The following MTO1 variants were observed in gnomAD, a reference collection of about 807,000 sequenced individuals.
MTO1 encodes 5-taurinomethyluridine-[tRNA] synthase subunit MTO1, mitochondrial.
A neutral mutation model predicts 71.6 loss-of-function variants in MTO1; 46 were observed. The observed-to-expected ratio is 0.64, with a 90% CI of 0.51 to 0.82. MTO1 has a LOEUF of 0.82. Among genes scored for constraint, MTO1 ranks in the 40% least tolerant of loss-of-function variants. The pLI, the probability that MTO1 is intolerant of heterozygous loss-of-function variation, is 0.00. For synonymous variants in MTO1, 297 were observed against 312.1 expected (o/e 0.95, Z 0.51); for missense variants, 773 against 867.5 (o/e 0.89, Z 1.37).
chr6:73,462,951 T>C (rs1770871697), intron 1 of MTO1, among the ~76,000 whole-genome samples: 1 of 151,870 alleles, frequency 6.6e-6, no homozygotes, highest in Non-Finnish European at 1.5e-5. Context: ...AGGTGCTCAG[T>C]ACTCTGCCCA....
chr6:73,500,700 T>A lies in MTO1; in HGVS notation c.2044T>A (p.Cys682Ser). Residue 682 changes from cysteine to serine, a missense_variant, in exon 12 of 12, where the codon TGT becomes AGT. Physicochemically the swap from Cys to Ser is moderately radical, Grantham distance 112. Transcript: ENST00000498286. The part of the protein sequence containing the change: ...NESSKTDQYL[C>S]DADRLQEREL ...ATCATCCAAGACTGATCAATACTTA[T>A]GTGATGCAGACAGACTTCAAGAGAG... 2 of 1,607,644 alleles carry A rather than the reference T, an allele frequency of 1.2e-6. No homozygotes were observed. Among genetic ancestry groups the A allele is most frequent in the Non-Finnish European group, 1.7e-6 (2 of 1,177,196 alleles).
intron 1 of MTO1, chr6:73,462,339 A>G: frequency 1.9e-6 from 1 of 529,158 alleles, no homozygotes. Context: ...GCCTTGGGAA[A>G]GGGAGCTACC....
intron 3 of MTO1, among the ~76,000 whole-genome samples, chr6:73,467,644 T>TAAATAAATAAATAAATAA (rs1373451890): frequency 3.8e-3 from 200 of 52,246 alleles, no homozygotes; most frequent in Non-Finnish European, 7.0e-3. Context: ...TAAATAAATA[T>TAAATAAATAAATAAATAA]AAAAGAAATT....
chr6:73,508,178 CAG>C lies in MTO1; in HGVS notation c.*7446_*7447del, dbSNP rs1001445129. The C allele has an allele frequency of 3.3e-5, 5 of 152,084 alleles. No homozygotes were observed. Among genetic ancestry groups the C allele is most frequent in the Non-Finnish European group, 7.3e-5 (5 of 68,030 alleles). The allele number at this position is 152,084 out of a possible 1,614,324, so 9.4% of individuals were successfully genotyped here. A position where few individuals can be genotyped will look rare whatever the true frequency, so the allele number is the denominator to read the frequency against. On this transcript the variant is annotated 3_prime_UTR_variant, in exon 12 of 12. Coordinates refer to ENST00000498286, the MANE Select transcript of MTO1 (RefSeq NM_012123.4). ...AGAATTTGGAGGCTGTAGGGGAATT[CAG>C]AGTGTGAATTTCACTTGAACAGCAC... is the stretch of plus-strand genomic sequence containing the variant.
chr6:73,487,432 C>T (rs779422557), intron 9 of MTO1, among the ~76,000 whole-genome samples: 20 of 151,632 alleles, frequency 1.3e-4, no homozygotes, highest in African/African-American at 9.7e-5. Flanking sequence ...CCACCTGCCT[C>T]GGCCTCCCAA....
In MTO1 at chr6:73,500,626, T is replaced by C. The variant is rs774372880; in HGVS notation, c.1970T>C (p.Leu657Pro). The C allele has an allele frequency of 1.9e-6, 3 of 1,614,058 alleles. No homozygotes were observed. Among genetic ancestry groups the C allele is most frequent in the East Asian group, 4.5e-5 (2 of 44,868 alleles). The change falls in exon 12 of 12, where the codon CTG becomes CCG. Residue 657 changes from leucine to proline, a missense_variant. Transcript: ENST00000498286. ...PGVTPAAIIN[L>P]LRFVKTTQRR... ...GTAACACCTGCCGCCATCATCAATC[T>C]GCTGAGATTTGTGAAGACCACTCAA...
intron 3 of MTO1, among the ~76,000 whole-genome samples, chr6:73,470,336 A>G (rs1032637911): frequency 2.0e-5 from 3 of 151,830 alleles, no homozygotes; most frequent in Non-Finnish European, 2.9e-5. Context: ...CCTCTCGAGT[A>G]GCTGGGACTA....
rs1770981132 is a variant in MTO1 at position 73,466,219 on chromosome 6, A to G, written c.228A>G (p.Ser76=). The G allele has an allele frequency of 6.2e-7, 1 of 1,612,802 alleles. No homozygotes were observed. Residue 76 remains serine (S), a synonymous_variant, in exon 2 of 12, where the codon TCA becomes TCG. Transcript: ENST00000498286. ...GTCTATTATCTTTAGGTCAGATGTC[A>G]TGTAATCCTTCCTTTGGTGGCATCG... ...THRVDTIGQM[S]CNPSFGGIGK...
intron 3 of MTO1, among the ~76,000 whole-genome samples, chr6:73,471,273 A>G (rs1228186380): frequency 6.6e-6 from 1 of 150,914 alleles, no homozygotes; most frequent in Non-Finnish European, 1.5e-5. Flanking sequence ...TATATATAAT[A>G]TAATATGCTC....
chr6:73,493,160 A>G (rs895140668), intron 10 of MTO1, among the ~76,000 whole-genome samples: 7 of 150,878 alleles, frequency 4.6e-5, no homozygotes, highest in Non-Finnish European at 7.4e-5. Context: ...ACGCCTGGCT[A>G]ATTTTTTGTA....
At chr6:73,491,075 G>A (rs1220434627) in intron 9 of MTO1, among the ~76,000 whole-genome samples, 1 of 152,152 alleles carries the variant, frequency 6.6e-6, no homozygotes, top group Non-Finnish European at 1.5e-5. Context: ...TGTTGGCCTA[G>A]GTAAGTTGCC....
At chr6:73,473,883 C>T (rs1369685675) in intron 4 of MTO1, among the ~76,000 whole-genome samples, 1 of 150,736 alleles carries the variant, frequency 6.6e-6, no homozygotes, top group African/African-American at 2.4e-5. Flanking sequence ...ACCTCCTGGG[C>T]TCAAGTGATC....
chr6:73,472,193 C>G (rs1332480501), intron 3 of MTO1, among the ~76,000 whole-genome samples: 1 of 152,182 alleles, frequency 6.6e-6, no homozygotes, highest in Non-Finnish European at 1.5e-5. Flanking sequence ...TTATAGCTAT[C>G]TCCCCTCTGC....
In MTO1 at chr6:73,480,679, C is replaced by T. The variant is rs779895347; in HGVS notation, c.1134C>T (p.Tyr378=). Residue 378 remains tyrosine, a synonymous_variant, in exon 7 of 12, where the codon TAC becomes TAT. Coordinates refer to ENST00000498286, the MANE Select transcript of MTO1 (RefSeq NM_012123.4). ...LEKAKVIQPG[Y]GVQYDYLDPR... ...ATGTCTTTGTTCTTTGGTCAGGCTA[C>T]GGTGTTCAGTATGATTACTTAGATC... The T allele has an allele frequency of 1.4e-5, 23 of 1,613,610 alleles. No individual in the cohort carries two copies. Among genetic ancestry groups the T allele is most frequent in the Admixed American group, 5.0e-5 (3 of 59,936 alleles).
intron 4 of MTO1, among the ~76,000 whole-genome samples, chr6:73,479,351 C>T (rs888149614): frequency 6.6e-6 from 1 of 151,904 alleles, no homozygotes; most frequent in Non-Finnish European, 1.5e-5. Flanking sequence ...AAAAATTAGC[C>T]GAACGTAGTG....
intron 4 of MTO1, among the ~76,000 whole-genome samples, chr6:73,477,952 G>A (rs375879014): frequency 2.0e-5 from 3 of 151,768 alleles, no homozygotes; most frequent in Admixed American, 1.3e-4. Flanking sequence ...CCTATCTCTC[G>A]AGTTTTAAAA....
chr6:73,498,583 CA>C (rs1772065569), intron 11 of MTO1, among the ~76,000 whole-genome samples: 1 of 151,868 alleles, frequency 6.6e-6, no homozygotes, highest in African/African-American at 2.4e-5. Context: ...AGGGTATATG[CA>C]TGTTCCTTTG....
intron 1 of MTO1, chr6:73,462,289 GAC>G: frequency 1.7e-6 from 1 of 597,190 alleles, no homozygotes; most frequent in Non-Finnish European, 2.9e-6. Flanking sequence ...TGCTGCTGCT[GAC>G]AGTCGTCCGT....
chr6:73,462,715 A>G (rs1770862872), intron 1 of MTO1, among the ~76,000 whole-genome samples: 1 of 152,160 alleles, frequency 6.6e-6, no homozygotes, highest in Non-Finnish European at 1.5e-5. Context: ...GCAAAAGAGC[A>G]AAACTCCGTC....
Sources: allele counts gnomAD v4.1 joint callset (sites outside exome capture counted in the v4.1 genomes callset), GRCh38; gene constraint gnomAD v4.1.1; transcripts MANE v1.5; gene names NCBI Gene and HGNC (gene_info 2026-07-23, HGNC 2026-07-21).